ARFGAP3: variants seen among roughly 807,000 people sequenced by gnomAD.
ARFGAP3 encodes the protein ARF GTPase activating protein 3, also known as ADP-ribosylation factor GTPase-activating protein 3.
ARFGAP3 carries 72 observed loss-of-function variants against 75.0 expected under a neutral mutation model. The ratio of observed to expected loss-of-function variants is 0.96; its 90% confidence interval spans 0.79 to 1.17. The LOEUF (loss-of-function observed/expected upper bound fraction) is 1.17, where lower values mean the gene tolerates loss of function less well. ARFGAP3 is among the 50% of genes most tolerant of loss of function. The pLI, the probability that ARFGAP3 is intolerant of heterozygous loss-of-function variation, is 0.00. For synonymous variants in ARFGAP3, 221 were observed against 217.9 expected, an observed-to-expected ratio of 1.01 and a Z score of -0.13; for missense variants, 620 against 626.6, an observed-to-expected ratio of 0.99 and a Z score of 0.11.
intron 5 of ARFGAP3, among the ~76,000 whole-genome samples, chr22:42,833,902 C>T (rs114106293): frequency 0.011 from 1,609 of 152,240 alleles, 29 homozygotes; most frequent in African/African-American, 0.036. Flanking sequence ...GGAAACAGAG[C>T]CAGATTCAGT....
At position 42,823,656 on chromosome 22, in the gene ARFGAP3, G is replaced by C. The variant is rs764149622; in HGVS notation, c.672C>G (p.Gly224=). 1.3e-6 allele frequency: 2 copies of C among 1,564,140 alleles called. No individual in the cohort carries two copies. Among genetic ancestry groups the C allele is most frequent in the East Asian group, 4.6e-5 (2 of 43,704 alleles). The part of the protein sequence containing the change: ...IKKKPNQAKK[G]LGAKKGSLGA... ...TATATATAAAGTACATAATACTCAC[G>C]CCTTTTTTAGCTTGATTTGGTTTCT... The change falls in exon 8 of 16, where the codon GGC becomes GGG. Residue 224 remains glycine, a splice_region_variant and synonymous_variant. Coordinates refer to ENST00000263245, the MANE Select transcript of ARFGAP3 (RefSeq NM_014570.5).
At chr22:42,824,528 CTTT>C (rs111869150) in intron 7 of ARFGAP3, among the ~76,000 whole-genome samples, 2 of 135,348 alleles carry the variant, frequency 1.5e-5, no homozygotes, top group African/African-American at 5.4e-5. Context: ...GGTTTTCTTT[CTTT>C]TTTTTTTTTT....
chr22:42,825,467 A>G (rs939949353), intron 7 of ARFGAP3, among the ~76,000 whole-genome samples: 4 of 152,128 alleles, frequency 2.6e-5, no homozygotes, highest in African/African-American at 9.7e-5. Context: ...TGAGGTCAGG[A>G]GTTTGAGAAC....
rs187644526 is a variant in ARFGAP3, at chr22:42,835,610, G to T, written c.262-117C>A. On this transcript the variant is annotated intron_variant, in intron 3 of 15. Transcript: ENST00000263245. ...GCCGAGGCAGGCAGATCACGAGGTC[G>T]GGAGATCAGTACCATCCTGGCTAAC... 17 of 1,148,166 alleles carry T rather than the reference G, an allele frequency of 1.5e-5. No individual in the cohort carries two copies. The Admixed American group carries it at 2.9e-4, about 20-fold the overall frequency. The allele number at this position is 1,148,166 out of a possible 1,614,324, so 71.1% of individuals were successfully genotyped here. A position where few individuals can be genotyped will look rare whatever the true frequency, so the allele number is the denominator to read the frequency against.
intron 9 of ARFGAP3, among the ~76,000 whole-genome samples, chr22:42,819,076 G>C (rs1925703012): frequency 6.6e-6 from 1 of 152,014 alleles, no homozygotes; most frequent in African/African-American, 2.4e-5. Flanking sequence ...GCCTCAAAGA[G>C]TCCTGGGATT....
intron 9 of ARFGAP3, among the ~76,000 whole-genome samples, chr22:42,819,008 T>G (rs916099563): frequency 6.6e-6 from 1 of 151,898 alleles, no homozygotes; most frequent in Admixed American, 6.6e-5. Context: ...AGACGAGGTT[T>G]CACCATGTTG....
Position 42,808,756 on chromosome 22 carries a change from T to C in ARFGAP3, c.1320+11A>G. ...TTATGGGGCACCCAAAGAAACTCTC[T>C]GGACCCTTACATCAGCCTGGGATTG... On this transcript the variant is annotated intron_variant, in intron 13 of 15. Coordinates refer to ENST00000263245, the MANE Select transcript of ARFGAP3 (RefSeq NM_014570.5). 2.5e-6 allele frequency: 4 copies of C among 1,606,670 alleles called. No homozygotes were observed. Among genetic ancestry groups the C allele is most frequent in the Non-Finnish European group, 3.4e-6 (4 of 1,175,014 alleles).
intron 11 of ARFGAP3, among the ~76,000 whole-genome samples, chr22:42,812,315 CTCATTAAGGCAG>C (rs138843504): frequency 2.6e-3 from 398 of 151,794 alleles, no homozygotes; most frequent in Admixed American, 4.5e-3. Flanking sequence ...ATATACACAC[CTCATTAAGGCAG>C]TCCAAGAAGT....
chr22:42,830,944 T>G (rs1424729460), intron 6 of ARFGAP3, among the ~76,000 whole-genome samples: 1 of 152,188 alleles, frequency 6.6e-6, no homozygotes. Context: ...ATTATTATAT[T>G]CCATGTTCAG....
At chr22:42,828,533 G>C (rs1329115935) in intron 6 of ARFGAP3, among the ~76,000 whole-genome samples, 2 of 151,788 alleles carry the variant, frequency 1.3e-5, no homozygotes, top group Non-Finnish European at 2.9e-5. Flanking sequence ...TCCAGCCTGG[G>C]CAACAAGAGT....
chr22:42,836,721 T>C (rs1276733086), intron 3 of ARFGAP3, among the ~76,000 whole-genome samples: 2 of 152,170 alleles, frequency 1.3e-5, no homozygotes, highest in Non-Finnish European at 2.9e-5. Context: ...TAACTGATAA[T>C]GATATTGGTC....
At chr22:42,819,693 A>G (rs1327120285) in intron 9 of ARFGAP3, among the ~76,000 whole-genome samples, 2 of 152,338 alleles carry the variant, frequency 1.3e-5, no homozygotes, top group Middle Eastern at 3.4e-3. Context: ...AGGATGCTGC[A>G]TGGGCTGTTT....
At chr22:42,835,630 G>T in intron 3 of ARFGAP3, 137 bp from the exon 4 acceptor site, 1 of 896,850 alleles carries the variant, frequency 1.1e-6, no homozygotes, top group Non-Finnish European at 1.6e-6. Flanking sequence ...TACCATCCTG[G>T]CTAACACGGT....
chr22:42,840,531 C>G (rs1053912088), intron 3 of ARFGAP3, among the ~76,000 whole-genome samples: 2 of 152,122 alleles, frequency 1.3e-5, no homozygotes, highest in Non-Finnish European at 2.9e-5. Flanking sequence ...ACTCTCCCGC[C>G]TCAGCCTCCC....
intron 7 of ARFGAP3, among the ~76,000 whole-genome samples, chr22:42,826,385 T>G (rs1926038696): frequency 6.8e-6 from 1 of 146,388 alleles, no homozygotes; most frequent in African/African-American, 2.5e-5. Flanking sequence ...CATTGCTGCT[T>G]TTTTTTTTTT....
At chr22:42,843,774 C>G (rs978827145) in intron 2 of ARFGAP3, among the ~76,000 whole-genome samples, 5 of 152,092 alleles carry the variant, frequency 3.3e-5, no homozygotes, top group Non-Finnish European at 7.4e-5. Context: ...TACGTAACGG[C>G]AAACTTGAGA....
chr22:42,839,028 T>C (rs1926660267), intron 3 of ARFGAP3, among the ~76,000 whole-genome samples: 1 of 145,872 alleles, frequency 6.9e-6, no homozygotes, highest in Non-Finnish European at 1.5e-5. Context: ...AAGAATGGCA[T>C]GAACCTGGGA....
Position 42,817,754 on chromosome 22 carries a change from C to T in ARFGAP3, c.916G>A (p.Gly306Ser), listed in dbSNP as rs781602195. ...GKKNVDSDRL[G>S]MGFGNCRSVI... Reference sequence around the variant, plus strand: ...CTTCTGCAATTTCCAAATCCCATGCCGAGTCTGTCTGAGTCAACATTTTTT... The same window carrying T: ...CTTCTGCAATTTCCAAATCCCATGCTGAGTCTGTCTGAGTCAACATTTTTT... The change falls in exon 10 of 16, where the codon GGC becomes AGC. Residue 306 changes from glycine (G) to serine (S), a missense_variant. Transcript: ENST00000263245. 2.2e-5 allele frequency: 35 copies of T among 1,612,992 alleles called. No individual in the cohort carries two copies. Among genetic ancestry groups the T allele is most frequent in the Admixed American group, 3.3e-5 (2 of 59,888 alleles).
In ARFGAP3 at chr22:42,828,193, G is replaced by A. The variant is rs139704379; in HGVS notation, c.566-1194C>T. 6.0e-3 allele frequency among the ~76,000 whole-genome samples: 911 copies of A among 152,024 alleles called. 6 individuals carry two copies. The highest frequency in any genetic ancestry group is 7.9e-3 in the Non-Finnish European group (536 of 67,984). ...ATCCCAGCACTTCGGGAGGCCAAGG[G>A]GGACGCATCATGAGGTCAAGAGTTC... is the stretch of plus-strand genomic sequence containing the variant. On this transcript the variant is annotated intron_variant, in intron 6 of 15. Coordinates refer to ENST00000263245, the MANE Select transcript of ARFGAP3 (RefSeq NM_014570.5).
Sources: allele counts gnomAD v4.1 joint callset (sites outside exome capture counted in the v4.1 genomes callset), GRCh38; gene constraint gnomAD v4.1.1; transcripts MANE v1.5; gene names NCBI Gene and HGNC (gene_info 2026-07-23, HGNC 2026-07-21).